BMP5: variants seen among roughly 807,000 people sequenced by gnomAD.
BMP5 encodes the protein bone morphogenetic protein 5.
Under a neutral mutation model 46.6 loss-of-function variants are expected in BMP5, and 23 were observed. That is an observed-to-expected ratio of 0.49 (90% CI 0.35 to 0.70). The LOEUF (loss-of-function observed/expected upper bound fraction) is 0.70. Among genes scored for constraint, BMP5 ranks in the 30% least tolerant of loss-of-function variants. BMP5 has a pLI of 0.00. For missense variants in BMP5, 545 were observed against 565.6 expected (o/e 0.96, Z 0.37); for synonymous variants, 204 against 191.9 (o/e 1.06, Z -0.52).
At chr6:55,838,249 A>G (rs1319842684) in intron 1 of BMP5, among the ~76,000 whole-genome samples, 1 of 152,130 alleles carries the variant, frequency 6.6e-6, no homozygotes, top group African/African-American at 2.4e-5. Flanking sequence ...ACTAATTTAG[A>G]TCTCCAGCAA....
At chr6:55,773,976 T>C in intron 4 of BMP5, 73 bp downstream of exon 4, 2 of 1,511,660 alleles carry the variant, frequency 1.3e-6, no homozygotes, top group East Asian at 2.3e-5. Context: ...GGTAAATTTA[T>C]TGTGGCTACT....
At chr6:55,772,212 G>A (rs1380665412) in intron 4 of BMP5, among the ~76,000 whole-genome samples, 3 of 151,896 alleles carry the variant, frequency 2.0e-5, no homozygotes, top group African/African-American at 7.2e-5. Context: ...GGAAACTGGT[G>A]AAAAGTTACG....
At chr6:55,830,948 C>T (rs1776649214) in intron 1 of BMP5, among the ~76,000 whole-genome samples, 1 of 151,994 alleles carries the variant, frequency 6.6e-6, no homozygotes, top group South Asian at 2.1e-4. Context: ...CTGTTCTTTC[C>T]TACATGAGAA....
At chr6:55,770,235 C>T (rs531430338) in intron 4 of BMP5, among the ~76,000 whole-genome samples, 1 of 152,080 alleles carries the variant, frequency 6.6e-6, no homozygotes, top group African/African-American at 2.4e-5. Context: ...AGTGTAGCTA[C>T]CTTCATCAGT....
intron 3 of BMP5, among the ~76,000 whole-genome samples, chr6:55,791,525 A>G (rs1442346434): frequency 1.3e-5 from 2 of 152,238 alleles, no homozygotes; most frequent in Middle Eastern, 3.2e-3. Context: ...CTCTAGGCTA[A>G]AAAATAACAT....
intron 1 of BMP5, among the ~76,000 whole-genome samples, chr6:55,833,153 A>C (rs1776706292): frequency 6.6e-6 from 1 of 152,276 alleles, no homozygotes; most frequent in South Asian, 2.1e-4. Flanking sequence ...GATATTATGA[A>C]TATCTAACAC....
intron 4 of BMP5, among the ~76,000 whole-genome samples, chr6:55,764,582 A>G (rs60122841): frequency 2.4e-5 from 3 of 126,702 alleles, no homozygotes; most frequent in African/African-American, 8.8e-5. Flanking sequence ...AAAAAAAAAA[A>G]AAAAAGAAAA....
chr6:55,865,539 G>A, intron 1 of BMP5: 1 of 369,996 alleles, frequency 2.7e-6, no homozygotes, highest in East Asian at 8.5e-5. Context: ...CACTCTAGTG[G>A]GGGAACAGAG....
chr6:55,760,714 T>C (rs1026229399), intron 4 of BMP5, among the ~76,000 whole-genome samples, 181 bp from the exon 5 acceptor site: 1 of 152,010 alleles, frequency 6.6e-6, no homozygotes, highest in Admixed American at 6.6e-5. Context: ...TTACTTGTCC[T>C]GAGTTTCTTC....
intron 1 of BMP5, among the ~76,000 whole-genome samples, chr6:55,872,528 TA>T (rs1777809971): frequency 2.0e-5 from 3 of 151,800 alleles, no homozygotes; most frequent in Admixed American, 1.3e-4. Flanking sequence ...TTCTCAATAA[TA>T]AAAAAGTTAT....
At chr6:55,858,664 T>C (rs1318171488) in intron 1 of BMP5, among the ~76,000 whole-genome samples, 1 of 152,352 alleles carries the variant, frequency 6.6e-6, no homozygotes, top group Non-Finnish European at 1.5e-5. Context: ...CAATTTAGTG[T>C]ATTTTTCAGG....
chr6:55,862,078 C>T (rs1777538932), intron 1 of BMP5, among the ~76,000 whole-genome samples: 1 of 152,202 alleles, frequency 6.6e-6, no homozygotes, highest in Non-Finnish European at 1.5e-5. Flanking sequence ...ACAGAATATC[C>T]ACTAGAGAAG....
At position 55,797,337 on chromosome 6, in the gene BMP5, C is replaced by T. The variant is rs1775739552; in HGVS notation, c.684-2910G>A. On this transcript the variant is annotated intron_variant, in intron 2 of 6. Transcript: ENST00000370830. ...AATAAACTTGTTAAAGTTGTCCTGC[C>T]TCACCAGTTTTGCTTCACTTTTTAA... Among the ~76,000 whole-genome samples, 4 of 152,230 alleles carry T rather than the reference C, an allele frequency of 2.6e-5. No homozygotes were observed. In the South Asian group the frequency reaches 8.3e-4, roughly 32 times the overall value.
intron 1 of BMP5, among the ~76,000 whole-genome samples, chr6:55,830,632 A>G (rs537289036): frequency 2.4e-4 from 36 of 152,086 alleles, no homozygotes; most frequent in Non-Finnish European, 4.4e-4. Flanking sequence ...TAGTTATCAG[A>G]TGATCTGTTT....
intron 1 of BMP5, among the ~76,000 whole-genome samples, chr6:55,841,908 G>A (rs1009040920): frequency 1.5e-5 from 2 of 132,154 alleles, no homozygotes; most frequent in Admixed American, 7.7e-5. Flanking sequence ...ATAACAGAGA[G>A]AGAGAGACAG....
intron 3 of BMP5, among the ~76,000 whole-genome samples, chr6:55,780,470 A>AAAAAAAAAG (rs1554181020): frequency 3.1e-4 from 41 of 131,716 alleles, no homozygotes; most frequent in Non-Finnish European, 5.3e-4. Context: ...AAAAAAAAAA[A>AAAAAAAAAG]AAAGAAAGAA....
In BMP5 at chr6:55,874,478, A is replaced by G. The variant is rs745805416; in HGVS notation, c.388T>C (p.Ser130Pro). 72 of 1,613,320 alleles carry G rather than the reference A, an allele frequency of 4.5e-5. No homozygotes were observed. Among genetic ancestry groups the G allele is most frequent in the Non-Finnish European group, 5.9e-5 (70 of 1,179,664 alleles). ...PNGYPRRIQL[S>P]RTTPLTTQSP... is the part of the protein sequence containing the mutation. ...TGGGTGGTCAGAGGAGTCGTCCGAG[A>G]TAACTGTATGCGACGAGGATACCCA... is the stretch of plus-strand genomic sequence containing the variant. The change falls in exon 1 of 7, where the codon TCT becomes CCT. Residue 130 changes from serine (S) to proline (P), a missense_variant. Coordinates refer to ENST00000370830, the MANE Select transcript of BMP5 (RefSeq NM_021073.4).
rs1423197397 is a variant in BMP5, at chr6:55,775,135, C to G, written c.833-892G>C. On this transcript the variant is annotated intron_variant, in intron 3 of 6. Coordinates refer to ENST00000370830, the MANE Select transcript of BMP5 (RefSeq NM_021073.4). Reference sequence around the variant, plus strand: ...TATATATCAGTGAAAAGGGACACAACAAGTACCAATATAGGAGTGAGTTAA... The same window carrying G: ...TATATATCAGTGAAAAGGGACACAAGAAGTACCAATATAGGAGTGAGTTAA... Among the ~76,000 whole-genome samples, 3 of 151,880 alleles carry G rather than the reference C, an allele frequency of 2.0e-5. No individual in the cohort carries two copies. In the South Asian group the frequency reaches 6.2e-4, roughly 31 times the overall value.
intron 1 of BMP5, among the ~76,000 whole-genome samples, chr6:55,836,482 T>C (rs1251878214): frequency 6.6e-6 from 1 of 152,156 alleles, no homozygotes; most frequent in African/African-American, 2.4e-5. Context: ...TTGACAAAAC[T>C]TGGTTAGCCA....
Sources: allele counts gnomAD v4.1 joint callset (sites outside exome capture counted in the v4.1 genomes callset), GRCh38; gene constraint gnomAD v4.1.1; transcripts MANE v1.5; gene names NCBI Gene and HGNC (gene_info 2026-07-23, HGNC 2026-07-21).